The following GPC5 variants were observed in gnomAD, a reference collection of about 807,000 sequenced individuals.
GPC5 encodes glypican-5.
In GPC5, 47 loss-of-function variants were observed where a neutral mutation model predicts 53.9. That is an observed-to-expected ratio of 0.87 (90% CI 0.69 to 1.11). GPC5 has a LOEUF of 1.11. Ranked by LOEUF, GPC5 falls within the 50% of genes most tolerant of loss-of-function variation. GPC5 has a pLI of 0.00. For missense variants in GPC5, 748 were observed against 713.1 expected (o/e 1.05, Z -0.56); for synonymous variants, 286 against 263.3 (o/e 1.09, Z -0.84).
chr13:92,759,284 C>T (rs1875060945), intron 7 of GPC5, among the ~76,000 whole-genome samples: 1 of 151,344 alleles, frequency 6.6e-6, no homozygotes, highest in Non-Finnish European at 1.5e-5. Flanking sequence ...GTGAAGATTC[C>T]ACTGGGATTT....
intron 7 of GPC5, among the ~76,000 whole-genome samples, chr13:92,811,072 T>A (rs185166006): frequency 6.6e-6 from 1 of 151,960 alleles, no homozygotes; most frequent in Admixed American, 6.6e-5. Context: ...TTCCTTCTTA[T>A]GGCTAAATAA....
chr13:92,863,311 C>T (rs552801793), intron 7 of GPC5, among the ~76,000 whole-genome samples: 2 of 152,200 alleles, frequency 1.3e-5, no homozygotes, highest in African/African-American at 4.8e-5. Context: ...GTTTCCTCAT[C>T]TATAAAAGCA....
At chr13:91,910,697 G>T (rs1227468571) in intron 6 of GPC5, among the ~76,000 whole-genome samples, 1 of 152,090 alleles carries the variant, frequency 6.6e-6, no homozygotes, top group African/African-American at 2.4e-5. Flanking sequence ...AATAGATAAA[G>T]ATTTTTACTT....
intron 6 of GPC5, among the ~76,000 whole-genome samples, chr13:91,968,708 C>T (rs1186438966): frequency 6.6e-6 from 1 of 152,036 alleles, no homozygotes; most frequent in Non-Finnish European, 1.5e-5. Flanking sequence ...GTGATCTTCC[C>T]ACCTCAGCCT....
At chr13:92,539,814 G>A (rs545958788) in intron 7 of GPC5, among the ~76,000 whole-genome samples, 166 of 151,778 alleles carry the variant, frequency 1.1e-3, no homozygotes, top group Non-Finnish European at 2.1e-3. Context: ...ATTTTCCCTG[G>A]CTTAAACATT....
At chr13:92,865,333 T>C (rs1879305034) in intron 7 of GPC5, among the ~76,000 whole-genome samples, 1 of 152,180 alleles carries the variant, frequency 6.6e-6, no homozygotes, top group African/African-American at 2.4e-5. Context: ...ACCTCCATCC[T>C]CACAGCTGTA....
At chr13:92,418,261 A>C (rs1219615898) in intron 7 of GPC5, among the ~76,000 whole-genome samples, 1 of 152,194 alleles carries the variant, frequency 6.6e-6, no homozygotes, top group Non-Finnish European at 1.5e-5. Context: ...CAACTTTTTG[A>C]GTCCACTGGA....
In GPC5 at chr13:91,674,481, G is replaced by A. The variant is rs543423895; in HGVS notation, c.326-18706G>A. 2.7e-5 allele frequency among the ~76,000 whole-genome samples: 4 copies of A among 146,728 alleles called. No individual in the cohort carries two copies. The South Asian group carries it at 6.5e-4, about 24-fold the overall frequency. ...CACACACGCACATATACACACACAC[G>A]CGCATGTGTATATATGCATATGTGT... On this transcript the variant is annotated intron_variant, in intron 2 of 7. Coordinates refer to ENST00000377067, the MANE Select transcript of GPC5 (RefSeq NM_004466.6).
chr13:92,139,062 A>G (rs1267465217), intron 6 of GPC5, among the ~76,000 whole-genome samples: 1 of 152,222 alleles, frequency 6.6e-6, no homozygotes, highest in Non-Finnish European at 1.5e-5. Context: ...ATGGCAACAC[A>G]AATATATGTT....
chr13:92,601,857 TTTC>T (rs997604800), intron 7 of GPC5, among the ~76,000 whole-genome samples: 1 of 151,562 alleles, frequency 6.6e-6, no homozygotes, highest in African/African-American at 2.4e-5. Flanking sequence ...TTACTGAAAA[TTTC>T]TTCTATGACA....
intron 6 of GPC5, among the ~76,000 whole-genome samples, chr13:91,909,613 C>T (rs1021236387): frequency 1.3e-4 from 20 of 151,980 alleles, no homozygotes; most frequent in African/African-American, 4.8e-4. Context: ...ATTAACTGGG[C>T]ATTTATTCAG....
chr13:92,253,115 GA>G (rs1240599699), intron 7 of GPC5, among the ~76,000 whole-genome samples: 1 of 152,048 alleles, frequency 6.6e-6, no homozygotes, highest in Non-Finnish European at 1.5e-5. Flanking sequence ...GCCAGTTTCT[GA>G]AAAAGTGAGA....
intron 7 of GPC5, among the ~76,000 whole-genome samples, chr13:92,255,291 T>TA (rs2042719405): frequency 6.6e-6 from 1 of 152,104 alleles, no homozygotes; most frequent in African/African-American, 2.4e-5. Context: ...CTTCTATACT[T>TA]AACTAGAATG....
intron 6 of GPC5, among the ~76,000 whole-genome samples, chr13:91,948,984 A>ATATT (rs2040001561): frequency 6.6e-6 from 1 of 152,218 alleles, no homozygotes; most frequent in Non-Finnish European, 1.5e-5. Flanking sequence ...AGATATTAAG[A>ATATT]AAGTGCACCA....
chr13:91,571,765 A>G (rs373157811), intron 2 of GPC5, among the ~76,000 whole-genome samples: 12 of 67,706 alleles, frequency 1.8e-4, no homozygotes, highest in African/African-American at 1.0e-3. Flanking sequence ...ATACATGTGT[A>G]TGTGTATATA....
At chr13:91,607,719 C>A (rs1427665304) in intron 2 of GPC5, among the ~76,000 whole-genome samples, 2 of 152,152 alleles carry the variant, frequency 1.3e-5, no homozygotes, top group Non-Finnish European at 2.9e-5. Flanking sequence ...TTCATGGCCA[C>A]CCTTCTAGAC....
At chr13:92,832,156 A>T (rs2138822338) in intron 7 of GPC5, among the ~76,000 whole-genome samples, 2 of 152,342 alleles carry the variant, frequency 1.3e-5, no homozygotes, top group South Asian at 4.1e-4. Flanking sequence ...AAAAAATAGA[A>T]TCTCAAAAGG....
At chr13:92,431,969 T>A (rs560762948) in intron 7 of GPC5, among the ~76,000 whole-genome samples, 127 of 152,302 alleles carry the variant, frequency 8.3e-4, no homozygotes, top group African/African-American at 3.0e-3. Context: ...ACATACTTGG[T>A]GCAATGGACT....
chr13:92,748,993 T>C lies in GPC5; in HGVS notation c.1562-117289T>C, dbSNP rs1332985604. Among the ~76,000 whole-genome samples the C allele has an allele frequency of 3.3e-5, 5 of 152,328 alleles. No individual in the cohort carries two copies. The South Asian group carries it at 6.2e-4, about 19-fold the overall frequency. On this transcript the variant is annotated intron_variant, in intron 7 of 7. Transcript: ENST00000377067. ...GTTTCTGTGTTTAACACTTCAGTTC[T>C]GTATCTACTTTTCAGAAACAGTTTT...
Sources: allele counts gnomAD v4.1 joint callset (sites outside exome capture counted in the v4.1 genomes callset), GRCh38; gene constraint gnomAD v4.1.1; transcripts MANE v1.5; gene names NCBI Gene and HGNC (gene_info 2026-07-23, HGNC 2026-07-21).